The following PCCA variants were observed in gnomAD, a reference collection of about 807,000 sequenced individuals.
The protein encoded by PCCA is propionyl-CoA carboxylase alpha chain, mitochondrial.
A neutral mutation model predicts 101.3 loss-of-function variants in PCCA; 74 were observed. The observed-to-expected ratio is 0.73, with a 90% CI of 0.61 to 0.89. The LOEUF is 0.89. PCCA is among the 40% of genes least tolerant of loss of function. The pLI is 0.00. For missense variants in PCCA, 891 were observed against 907.0 expected (o/e 0.98, Z 0.23); for synonymous variants, 294 against 313.6 (o/e 0.94, Z 0.66).
chr13:100,218,509 G>T (rs940719856), intron 7 of PCCA, among the ~76,000 whole-genome samples: 3 of 152,134 alleles, frequency 2.0e-5, no homozygotes, highest in African/African-American at 4.8e-5. Context: ...GTTATTTGGG[G>T]TATGTACCCA....
At chr13:100,450,489 T>G (rs2081147948) in intron 21 of PCCA, among the ~76,000 whole-genome samples, 1 of 152,048 alleles carries the variant, frequency 6.6e-6, no homozygotes, top group African/African-American at 2.4e-5. Context: ...CAGATATCAT[T>G]TCTAATCTGT....
intron 12 of PCCA, among the ~76,000 whole-genome samples, chr13:100,280,644 A>G (rs1285321967): frequency 6.6e-6 from 1 of 152,200 alleles, no homozygotes; most frequent in African/African-American, 2.4e-5. Flanking sequence ...TTAAAATGCT[A>G]TTTTATTGAA....
intron 20 of PCCA, among the ~76,000 whole-genome samples, chr13:100,432,233 C>T (rs2152903241): frequency 6.6e-6 from 1 of 152,292 alleles, no homozygotes; most frequent in South Asian, 2.1e-4. Flanking sequence ...CTTCTCTTCC[C>T]TTACTACCTT....
intron 18 of PCCA, among the ~76,000 whole-genome samples, chr13:100,361,268 C>A (rs2074553954): frequency 1.3e-5 from 2 of 149,130 alleles, no homozygotes; most frequent in Non-Finnish European, 3.0e-5. Context: ...ACACAGTGAA[C>A]CTTAATGTAT....
At chr13:100,528,802 G>C (rs2088101226) in intron 23 of PCCA, among the ~76,000 whole-genome samples, 1 of 152,228 alleles carries the variant, frequency 6.6e-6, no homozygotes, top group Non-Finnish European at 1.5e-5. Flanking sequence ...GTTGGTTTCT[G>C]TTCATGTAAA....
chr13:100,438,834 A>G (rs1162778006), intron 20 of PCCA, among the ~76,000 whole-genome samples: 1 of 152,012 alleles, frequency 6.6e-6, no homozygotes, highest in Non-Finnish European at 1.5e-5. Flanking sequence ...TGGCCCTTTC[A>G]CAGAATAATA....
At chr13:100,279,863 A>T (rs1276743008) in intron 12 of PCCA, among the ~76,000 whole-genome samples, 1 of 152,198 alleles carries the variant, frequency 6.6e-6, no homozygotes, top group Non-Finnish European at 1.5e-5. Flanking sequence ...CAAATTCTTT[A>T]TCTCCCAAGA....
intron 21 of PCCA, among the ~76,000 whole-genome samples, chr13:100,470,305 T>C (rs1244576476): frequency 6.6e-6 from 1 of 152,200 alleles, no homozygotes. Flanking sequence ...GATTATTTCC[T>C]GCTTAATCTT....
chr13:100,109,936 G>A (rs1350377550), intron 2 of PCCA, among the ~76,000 whole-genome samples: 3 of 152,018 alleles, frequency 2.0e-5, no homozygotes, highest in Admixed American at 2.0e-4. Flanking sequence ...GTTCGAGGCC[G>A]GCCTGACCAA....
chr13:100,221,727 C>T (rs1407467919), intron 7 of PCCA, among the ~76,000 whole-genome samples: 2 of 149,286 alleles, frequency 1.3e-5, no homozygotes, highest in African/African-American at 5.0e-5. Context: ...TAAGGAATGT[C>T]CTTTTGTTTC....
chr13:100,345,716 C>A (rs974987291), intron 18 of PCCA, among the ~76,000 whole-genome samples: 1 of 152,212 alleles, frequency 6.6e-6, no homozygotes, highest in Non-Finnish European at 1.5e-5. Context: ...CTCATACTTT[C>A]ATAGCTAGAG....
At chr13:100,310,694 A>G (rs2066840132) in intron 16 of PCCA, among the ~76,000 whole-genome samples, 1 of 152,090 alleles carries the variant, frequency 6.6e-6, no homozygotes, top group African/African-American at 2.4e-5. Context: ...TTTCCCACTA[A>G]TTTGCTTACT....
intron 4 of PCCA, among the ~76,000 whole-genome samples, chr13:100,114,921 T>G (rs752695717): frequency 6.6e-6 from 1 of 152,168 alleles, no homozygotes; most frequent in Non-Finnish European, 1.5e-5. Flanking sequence ...GTACATCTGC[T>G]TCTAGGTGTA....
intron 1 of PCCA, among the ~76,000 whole-genome samples, chr13:100,093,858 G>C (rs1365769569): frequency 6.6e-6 from 1 of 152,178 alleles, no homozygotes; most frequent in Non-Finnish European, 1.5e-5. Flanking sequence ...AGGATCACTT[G>C]AGCCCAGGAG....
rs796142931 is a variant in PCCA, at chr13:100,319,179, GT to G, written c.1429+9273del. Among the ~76,000 whole-genome samples the G allele has an allele frequency of 3.2e-4, 49 of 152,268 alleles. 2 individuals carry two copies. In the South Asian group the frequency reaches 9.8e-3, roughly 30 times the overall value. On this transcript the variant is annotated intron_variant, in intron 16 of 23. Coordinates refer to ENST00000376285, the MANE Select transcript of PCCA (RefSeq NM_000282.4). ...TGTCCTTCGCCCACTTTTTGATGGG[GT>G]TGTTTGTTTTTTTCTTGTAAATTTG...
intron 20 of PCCA, 99 bp downstream of exon 20, chr13:100,425,830 GT>G (rs2079104028): frequency 1.2e-6 from 1 of 800,930 alleles, no homozygotes; most frequent in Non-Finnish European, 2.2e-6. Flanking sequence ...GGGAAAAGCT[GT>G]ATTTTATTCA....
chr13:100,368,541 C>T lies in PCCA; in HGVS notation c.1713C>T (p.Thr571=), dbSNP rs778536273. 2.7e-5 allele frequency: 44 copies of T among 1,608,958 alleles called. No individual in the cohort carries two copies. Among genetic ancestry groups the T allele is most frequent in the South Asian group, 2.6e-4 (24 of 90,890 alleles). Reference sequence around the variant, plus strand: ...TAAAATTGCATGATAAAGTTCATACCGTAGTAGCATCAAACAATGGGTCAG... The same window carrying T: ...TAAAATTGCATGATAAAGTTCATACTGTAGTAGCATCAAACAATGGGTCAG... ...LSVKLHDKVH[T]VVASNNGSVF... Residue 571 remains threonine, a synonymous_variant, in exon 19 of 24, where the codon ACC becomes ACT. Transcript: ENST00000376285.
intron 7 of PCCA, among the ~76,000 whole-genome samples, chr13:100,231,408 C>G (rs894492021): frequency 1.3e-5 from 2 of 151,770 alleles, no homozygotes; most frequent in African/African-American, 4.8e-5. Context: ...GCAAGATGAA[C>G]AGGGGTGGGG....
At chr13:100,268,651 G>T (rs1337802235) in intron 10 of PCCA, 38 bp from the exon 11 acceptor site, 20 of 1,393,648 alleles carry the variant, frequency 1.4e-5, no homozygotes, top group Non-Finnish European at 2.0e-5. Context: ...CTTTGTGGGT[G>T]TGGTTATATG....
Sources: allele counts gnomAD v4.1 joint callset (sites outside exome capture counted in the v4.1 genomes callset), GRCh38; gene constraint gnomAD v4.1.1; transcripts MANE v1.5; gene names NCBI Gene and HGNC (gene_info 2026-07-23, HGNC 2026-07-21).